WRN: variants seen among roughly 807,000 people sequenced by gnomAD.
The protein encoded by WRN is bifunctional 3'-5' exonuclease/ATP-dependent helicase WRN.
A neutral mutation model predicts 180.7 loss-of-function variants in WRN; 149 were observed. That is an observed-to-expected ratio of 0.82 (90% CI 0.72 to 0.94). The LOEUF (loss-of-function observed/expected upper bound fraction) is 0.94, where lower values mean the gene tolerates loss of function less well. WRN is among the 40% of genes least tolerant of loss of function. The probability of loss-of-function intolerance (pLI) is 0.00; values close to 1 mark genes in which losing one functional copy is unlikely to be tolerated. For missense variants in WRN, 1,661 were observed against 1,700.1 expected, an observed-to-expected ratio of 0.98 and a Z score of 0.40; for synonymous variants, 548 against 568.9, an observed-to-expected ratio of 0.96 and a Z score of 0.52.
chr8:31,083,213 A>G (rs1446836375), intron 9 of WRN, among the ~76,000 whole-genome samples: 2 of 152,224 alleles, frequency 1.3e-5, no homozygotes, highest in African/African-American at 4.8e-5. Context: ...TTATTTTTCA[A>G]TTATATAGAG....
intron 1 of WRN, among the ~76,000 whole-genome samples, chr8:31,049,696 A>G (rs1275886847): frequency 6.6e-6 from 1 of 152,086 alleles, no homozygotes; most frequent in Admixed American, 6.5e-5. Context: ...GAATTTATAT[A>G]TCTTATCTAA....
chr8:31,109,732 G>A (rs887549428), intron 18 of WRN, among the ~76,000 whole-genome samples: 1 of 152,026 alleles, frequency 6.6e-6, no homozygotes, highest in Non-Finnish European at 1.5e-5. Flanking sequence ...CACTGTTATT[G>A]TAGCCATTTT....
At chr8:31,167,267 T>C in intron 34 of WRN, 37 bp downstream of exon 34, 3 of 1,545,736 alleles carry the variant, frequency 1.9e-6, no homozygotes, top group Non-Finnish European at 2.7e-6. Context: ...AAAGTGTCAG[T>C]TTGTTCAATT....
intron 31 of WRN, among the ~76,000 whole-genome samples, chr8:31,151,222 A>G (rs1379778535): frequency 6.6e-6 from 1 of 152,222 alleles, no homozygotes; most frequent in Non-Finnish European, 1.5e-5. Context: ...CCAGGAAACA[A>G]CAGATGACAT....
At chr8:31,046,766 G>A (rs1267984194) in intron 1 of WRN, among the ~76,000 whole-genome samples, 1 of 152,188 alleles carries the variant, frequency 6.6e-6, no homozygotes, top group Non-Finnish European at 1.5e-5. Context: ...GTTTTGATGT[G>A]AAGCAGGAGA....
At chr8:31,074,065 C>T (rs969486269) in intron 7 of WRN, among the ~76,000 whole-genome samples, 3 of 151,664 alleles carry the variant, frequency 2.0e-5, no homozygotes, top group Admixed American at 6.6e-5. Flanking sequence ...TACGGGTGCC[C>T]GCCACCATGC....
intron 23 of WRN, 111 bp from the exon 24 acceptor site, chr8:31,132,254 T>C: frequency 7.6e-7 from 1 of 1,313,002 alleles, no homozygotes; most frequent in Non-Finnish European, 1.0e-6. Flanking sequence ...TCTGAAGCAG[T>C]TGGCACATTT....
intron 28 of WRN, among the ~76,000 whole-genome samples, chr8:31,146,671 A>G (rs1172760901): frequency 1.3e-5 from 2 of 152,204 alleles, no homozygotes; most frequent in African/African-American, 4.8e-5. Flanking sequence ...GTTTCCCAGT[A>G]GGTTAAGAAA....
At chr8:31,110,913 C>T (rs11574283) in intron 18 of WRN, among the ~76,000 whole-genome samples, 2,119 of 152,160 alleles carry the variant, frequency 0.014, 56 homozygotes, top group African/African-American at 0.048. Flanking sequence ...GTTACCGTAC[C>T]TTAGAATTTC....
chr8:31,093,434 A>G (rs6998365), intron 16 of WRN, among the ~76,000 whole-genome samples: 79,868 of 151,984 alleles, frequency 0.53, 22,711 homozygotes, highest in Middle Eastern at 0.63. Flanking sequence ...TTAATATCTG[A>G]TTATTATTTT....
chr8:31,103,720 GTTCT>G (rs1337760589), intron 18 of WRN, among the ~76,000 whole-genome samples: 1 of 151,390 alleles, frequency 6.6e-6, no homozygotes, highest in Non-Finnish European at 1.5e-5. Context: ...TATCTCAAAG[GTTCT>G]TTATTTTTTT....
At chr8:31,119,938 A>G in intron 20 of WRN, 1 of 324,648 alleles carries the variant, frequency 3.1e-6, no homozygotes, top group Non-Finnish European at 5.8e-6. Context: ...ATTATAATGC[A>G]AAAGTTTTCT....
chr8:31,169,509 T>A (rs1185455307), intron 34 of WRN, among the ~76,000 whole-genome samples: 1 of 152,164 alleles, frequency 6.6e-6, no homozygotes, highest in East Asian at 1.9e-4. Flanking sequence ...TTCCTAATGT[T>A]TTCCAGCTCA....
intron 1 of WRN, among the ~76,000 whole-genome samples, chr8:31,045,708 A>G (rs1811836341): frequency 6.6e-6 from 1 of 152,088 alleles, no homozygotes; most frequent in African/African-American, 2.4e-5. Flanking sequence ...GGCACACACT[A>G]TTTTAATTAC....
At chr8:31,125,184 A>C (rs1008739491) in intron 23 of WRN, among the ~76,000 whole-genome samples, 184 bp downstream of exon 23, 1 of 151,942 alleles carries the variant, frequency 6.6e-6, no homozygotes, top group Non-Finnish European at 1.5e-5. Context: ...AAAGCAATAA[A>C]ATGGTAGCCC....
rs551985175 is a variant in WRN at position 31,137,544 on chromosome 8, G to C, written c.2968-3886G>C. On this transcript the variant is annotated intron_variant, in intron 24 of 34. Transcript: ENST00000298139. ...TTTTACTCTTAGATTAAGAAATTCA[G>C]GTTGAGTTAAAGGATCAGCTGTTAA... 3.3e-5 allele frequency among the ~76,000 whole-genome samples: 5 copies of C among 152,172 alleles called. No homozygotes were observed. The East Asian group carries it at 7.7e-4, about 24-fold the overall frequency.
chr8:31,057,028 G>A (rs1311434633), intron 1 of WRN, among the ~76,000 whole-genome samples: 1 of 152,136 alleles, frequency 6.6e-6, no homozygotes, highest in Non-Finnish European at 1.5e-5. Context: ...GTGTACAATA[G>A]CGATGGAGTT....
chr8:31,139,972 G>A (rs994712900), intron 24 of WRN, among the ~76,000 whole-genome samples: 2 of 136,150 alleles, frequency 1.5e-5, no homozygotes, highest in African/African-American at 2.7e-5. Context: ...AGAGTAATTT[G>A]CCATAAAGCT....
intron 1 of WRN, among the ~76,000 whole-genome samples, chr8:31,048,625 A>G (rs1177059719): frequency 2.6e-5 from 4 of 152,228 alleles, no homozygotes; most frequent in Admixed American, 6.5e-5. Context: ...AATATGTAAT[A>G]TAATAAAAGA....
Sources: gnomAD v4.1 joint callset for allele counts (sites outside exome capture counted in the v4.1 genomes callset) on GRCh38, gnomAD v4.1.1 for gene constraint, MANE v1.5 for transcripts, NCBI Gene and HGNC (gene_info 2026-07-23, HGNC 2026-07-21) for gene names.